MUC13: variants seen among roughly 807,000 people sequenced by gnomAD.
MUC13 encodes the protein mucin-13.
Under a neutral mutation model 48.3 loss-of-function variants are expected in MUC13, and 32 were observed. That is an observed-to-expected ratio of 0.66 (90% CI 0.50 to 0.89). The LOEUF (loss-of-function observed/expected upper bound fraction) is 0.89. MUC13 is among the 40% of genes least tolerant of loss of function. The pLI, the probability that MUC13 is intolerant of heterozygous loss-of-function variation, is 0.00. For missense variants in MUC13, 571 were observed against 622.8 expected (o/e 0.92, Z 0.88); for synonymous variants, 199 against 224.9 (o/e 0.88, Z 1.03).
At chr3:124,908,572 C>A (rs1374736774) in intron 10 of MUC13, among the ~76,000 whole-genome samples, 2 of 152,096 alleles carry the variant, frequency 1.3e-5, no homozygotes, top group Non-Finnish European at 2.9e-5. Context: ...CCAAAGAACA[C>A]TAACAGTTTT....
rs1240848347 is a variant in MUC13 at position 124,927,760 on chromosome 3, A to G, written c.286T>C (p.Ser96Pro). Residue 96 changes from serine (S) to proline (P), a missense_variant, in exon 2 of 12, where the codon TCC becomes CCC. Ser to Pro is a moderately conservative substitution (Grantham distance 74). Coordinates refer to ENST00000616727, the MANE Select transcript of MUC13 (RefSeq NM_033049.4). ...GCAGCAGTAGGTATAGGAATTGTGG[A>G]GGAACTATGTGTACTAATTATGGGG... The part of the protein sequence containing the change: ...APPIISTHSS[S>P]TIPIPTAADS... 1 of 1,606,748 alleles carries G rather than the reference A, an allele frequency of 6.2e-7. No homozygotes were observed. Among genetic ancestry groups the G allele is most frequent in the Non-Finnish European group, 8.5e-7 (1 of 1,175,828 alleles).
chr3:124,918,375 C>T (rs1287602914), intron 5 of MUC13, among the ~76,000 whole-genome samples: 1 of 152,200 alleles, frequency 6.6e-6, no homozygotes, highest in African/African-American at 2.4e-5. Context: ...CCTCCAAACA[C>T]CCTTGGCTCC....
At chr3:124,907,733 G>A (rs1005629172) in intron 11 of MUC13, among the ~76,000 whole-genome samples, 2 of 152,044 alleles carry the variant, frequency 1.3e-5, no homozygotes, top group African/African-American at 2.4e-5. Flanking sequence ...TACACAGCCT[G>A]GTGAAAAGGA....
rs201030525 is a variant in MUC13, at chr3:124,909,695, T to TA, written c.1337+719dup. On this transcript the variant is annotated intron_variant, in intron 10 of 11. Coordinates refer to ENST00000616727, the MANE Select transcript of MUC13 (RefSeq NM_033049.4). ...CGTGATAAACTTTCTTAAAAAAAGTTAAAAAAAAACAACAACCCAGGGGGT... is the reference window on the plus strand; with the variant it reads ...CGTGATAAACTTTCTTAAAAAAAGTTAAAAAAAAAACAACAACCCAGGGGGT... 9.0e-4 allele frequency among the ~76,000 whole-genome samples: 135 copies of TA among 150,596 alleles called. 1 individual carries two copies. Among genetic ancestry groups the TA allele is most frequent in the Non-Finnish European group, 1.4e-3 (94 of 67,552 alleles).
At chr3:124,927,032 T>C (rs113334864) in intron 2 of MUC13, among the ~76,000 whole-genome samples, 20 of 152,294 alleles carry the variant, frequency 1.3e-4, no homozygotes, top group African/African-American at 4.8e-4. Flanking sequence ...ACTGCTGTTG[T>C]TTTGCTTTCT....
rs1935766698 is a variant in MUC13 at position 124,929,992 on chromosome 3, G to T, written c.53-1999C>A. Among the ~76,000 whole-genome samples the T allele has an allele frequency of 2.0e-5, 3 of 152,220 alleles. No individual in the cohort carries two copies. In the South Asian group the frequency reaches 6.2e-4, roughly 32 times the overall value. On this transcript the variant is annotated intron_variant, in intron 1 of 11. Coordinates refer to ENST00000616727, the MANE Select transcript of MUC13 (RefSeq NM_033049.4). ...TATCATCGGAGTAGCAGTGAGAGTG[G>T]CCAGGGGCTGGCTCTCGCTGTGGAA...
rs186251911 is a variant in MUC13, at chr3:124,915,717, G to A, written c.964+600C>T. Among the ~76,000 whole-genome samples, 244 of 152,314 alleles carry A rather than the reference G, an allele frequency of 1.6e-3. 2 individuals carry two copies. The highest frequency in any genetic ancestry group is 5.3e-4 in the Non-Finnish European group (36 of 68,028). On this transcript the variant is annotated intron_variant, in intron 6 of 11. Transcript: ENST00000616727. ...AATAGTACGGGTAATGCTTGGTCTT[G>A]CTCTATTGCTCAGGCTGGAGTGTGG...
At chr3:124,934,260 G>A (rs549140037) in intron 1 of MUC13, among the ~76,000 whole-genome samples, 3 of 152,224 alleles carry the variant, frequency 2.0e-5, no homozygotes, top group Non-Finnish European at 2.9e-5. Context: ...GAGTTCAAGC[G>A]ATTCTTTCTG....
Position 124,912,030 on chromosome 3 carries a change from A to ATGT in MUC13, c.1252+71_1252+73dup, listed in dbSNP as rs946364947. ...CAGAGACTTTGAAGGACTGGGCAGG[A>ATGT]TGTTGAATGGGGTCACTATTGATTT... On this transcript the variant is annotated intron_variant, in intron 9 of 11. Coordinates refer to ENST00000616727, the MANE Select transcript of MUC13 (RefSeq NM_033049.4). The ATGT allele has an allele frequency of 3.2e-6, 5 of 1,559,186 alleles. No individual in the cohort carries two copies. The African/African-American group carries it at 6.8e-5, about 21-fold the overall frequency.
At position 124,908,199 on chromosome 3, in the gene MUC13, T is replaced by C; in HGVS notation, c.1487A>G (p.Gln496Arg). 2 of 1,614,182 alleles carry C rather than the reference T, an allele frequency of 1.2e-6. No individual in the cohort carries two copies. Among genetic ancestry groups the C allele is most frequent in the South Asian group, 2.2e-5 (2 of 91,070 alleles). ...KVRITASRDS[Q>R]MQNPYSRHSS... ...GTGTCTTGAATAGGGATTTTGCATC[T>C]GGCTGTCTCTGGAGGCCGTTATCCT... The change falls in exon 11 of 12, where the codon CAG becomes CGG. Residue 496 changes from glutamine (Q) to arginine (R), a missense_variant. Coordinates refer to ENST00000616727, the MANE Select transcript of MUC13 (RefSeq NM_033049.4).
chr3:124,907,836 T>C (rs111791835), intron 11 of MUC13, among the ~76,000 whole-genome samples: 132 of 152,132 alleles, frequency 8.7e-4, no homozygotes, highest in African/African-American at 3.1e-3. Context: ...ATCATCATAA[T>C]CTCTGGAGTC....
chr3:124,914,839 T>G (rs555602820), intron 6 of MUC13, among the ~76,000 whole-genome samples: 10 of 152,250 alleles, frequency 6.6e-5, no homozygotes, highest in Admixed American at 6.5e-4. Flanking sequence ...GGCAGGAGAA[T>G]CGCTTGAACC....
At chr3:124,913,766 G>A (rs1363516139) in intron 6 of MUC13, 85 bp from the exon 7 acceptor site, 2 of 1,517,300 alleles carry the variant, frequency 1.3e-6, no homozygotes. Context: ...CCCCATTGCT[G>A]TTATACTTTG....
chr3:124,925,724 C>T (rs966982911), intron 2 of MUC13, among the ~76,000 whole-genome samples: 1 of 152,178 alleles, frequency 6.6e-6, no homozygotes, highest in Non-Finnish European at 1.5e-5. Context: ...AGTGATACTC[C>T]CACTTCAGCC....
At chr3:124,911,402 G>A (rs1227954500) in intron 9 of MUC13, among the ~76,000 whole-genome samples, 1 of 152,174 alleles carries the variant, frequency 6.6e-6, no homozygotes, top group African/African-American at 2.4e-5. Context: ...TATAGATGTG[G>A]AAATTGAAAG....
rs1196165756 is a variant in MUC13 at position 124,910,618 on chromosome 3, A to G, written c.1253-119T>C. 4 of 1,473,210 alleles carry G rather than the reference A, an allele frequency of 2.7e-6. No homozygotes were observed. The African/African-American group carries it at 5.7e-5, about 21-fold the overall frequency. The allele number at this position is 1,473,210 out of a possible 1,614,324, so 91.3% of individuals were successfully genotyped here. ...TGAAGACGATCAGGTTCTGGTCTCC[A>G]ACCCTCCAGGCCAGGTTGGGTAGTT... On this transcript the variant is annotated intron_variant, in intron 9 of 11. Transcript: ENST00000616727.
Position 124,913,254 on chromosome 3 carries a change from TG to T in MUC13, c.1085-15del. 6.2e-7 allele frequency: 1 copy of T among 1,600,370 alleles called. No individual in the cohort carries two copies. Among genetic ancestry groups the T allele is most frequent in the Non-Finnish European group, 8.5e-7 (1 of 1,171,618 alleles). ...TGAGACTGGAAGCTTCAAAACAGAA[TG>T]ATTTCTGGGTAATTTTCAGAAACAA... On this transcript the variant is annotated splice_polypyrimidine_tract_variant and intron_variant, in intron 7 of 11. Transcript: ENST00000616727.
chr3:124,927,483 A>G, intron 2 of MUC13, 49 bp downstream of exon 2: 1 of 1,564,996 alleles, frequency 6.4e-7, no homozygotes, highest in Non-Finnish European at 8.7e-7. Flanking sequence ...CCCTCCCTCC[A>G]CAATTGTACT....
At chr3:124,913,867 A>G (rs1159837366) in intron 6 of MUC13, among the ~76,000 whole-genome samples, 186 bp from the exon 7 acceptor site, 1 of 152,150 alleles carries the variant, frequency 6.6e-6, no homozygotes, top group Admixed American at 6.5e-5. Flanking sequence ...GTTTGAGCCT[A>G]GGAGTTCAAG....
Sources: gnomAD v4.1 joint callset for allele counts (sites outside exome capture counted in the v4.1 genomes callset) on GRCh38, gnomAD v4.1.1 for gene constraint, MANE v1.5 for transcripts, NCBI Gene and HGNC (gene_info 2026-07-23, HGNC 2026-07-21) for gene names.